TENM4: variants seen among roughly 807,000 people sequenced by gnomAD.
TENM4 encodes the protein teneurin-4.
A neutral mutation model predicts 243.3 loss-of-function variants in TENM4; 82 were observed. The ratio of observed to expected loss-of-function variants is 0.34; its 90% confidence interval spans 0.28 to 0.40. The LOEUF (loss-of-function observed/expected upper bound fraction) is 0.40, where lower values mean the gene tolerates loss of function less well. Among genes scored for constraint, TENM4 ranks in the 10% least tolerant of loss-of-function variants. The pLI, the probability that TENM4 is intolerant of heterozygous loss-of-function variation, is 1.00. For missense variants in TENM4, 3,138 were observed against 3,673.3 expected (o/e 0.85, Z 3.77); for synonymous variants, 1,412 against 1,456.3 (o/e 0.97, Z 0.69).
At chr11:79,289,058 A>G (rs901748810) in intron 2 of TENM4, among the ~76,000 whole-genome samples, 1 of 152,214 alleles carries the variant, frequency 6.6e-6, no homozygotes, top group African/African-American at 2.4e-5. Context: ...CAACTGTTTG[A>G]TCTTGAAAGA....
chr11:78,884,662 G>A (rs542026785), intron 9 of TENM4, among the ~76,000 whole-genome samples: 6 of 152,328 alleles, frequency 3.9e-5, no homozygotes, highest in South Asian at 4.1e-4. Flanking sequence ...AATGATACAC[G>A]TAATGGGCCT....
At chr11:78,937,152 C>G (rs1313461017) in intron 6 of TENM4, among the ~76,000 whole-genome samples, 3 of 152,048 alleles carry the variant, frequency 2.0e-5, no homozygotes, top group Non-Finnish European at 4.4e-5. Flanking sequence ...TGGGGAAGGG[C>G]AGTGATCCTG....
intron 23 of TENM4, among the ~76,000 whole-genome samples, chr11:78,725,441 G>A (rs139880877): frequency 3.3e-5 from 5 of 152,276 alleles, no homozygotes; most frequent in South Asian, 2.1e-4. Flanking sequence ...GGTGCCACTC[G>A]CATGCGTTAG....
At position 78,720,467 on chromosome 11, in the gene TENM4, C is replaced by T. The variant is rs1036992287; in HGVS notation, c.3801-77G>A. On this transcript the variant is annotated intron_variant, in intron 24 of 33. Coordinates refer to ENST00000278550, the MANE Select transcript of TENM4 (RefSeq NM_001098816.3). ...GCAGGGTTAGAAGCATTATTAGCAG[C>T]CTGAAAACTTGACAGCAATGGTACT... 4 of 1,523,108 alleles carry T rather than the reference C, an allele frequency of 2.6e-6. No homozygotes were observed. In the South Asian group the frequency reaches 4.5e-5, roughly 17 times the overall value. 94.3% of individuals were successfully genotyped at this position (1,523,108 alleles called of 1,614,324 possible).
At chr11:79,056,098 C>G (rs1404207787) in intron 6 of TENM4, among the ~76,000 whole-genome samples, 1 of 152,210 alleles carries the variant, frequency 6.6e-6, no homozygotes, top group Non-Finnish European at 1.5e-5. Context: ...AGAAACCACT[C>G]TTCTTGGACA....
intron 4 of TENM4, among the ~76,000 whole-genome samples, chr11:79,115,651 G>A (rs1861602882): frequency 6.6e-6 from 1 of 152,136 alleles, no homozygotes; most frequent in African/African-American, 2.4e-5. Flanking sequence ...TGAGGGTGAG[G>A]CTTCTTAATG....
intron 6 of TENM4, among the ~76,000 whole-genome samples, chr11:78,917,064 C>T (rs529337566): frequency 6.6e-6 from 1 of 152,316 alleles, no homozygotes; most frequent in East Asian, 1.9e-4. Context: ...GAACAGCAAC[C>T]ATATCAATAG....
intron 3 of TENM4, among the ~76,000 whole-genome samples, chr11:79,213,838 G>C (rs1863997129): frequency 6.6e-6 from 1 of 152,178 alleles, no homozygotes; most frequent in South Asian, 2.1e-4. Flanking sequence ...TTACTATGCT[G>C]AGTGAGCATT....
intron 29 of TENM4, among the ~76,000 whole-genome samples, chr11:78,684,399 T>C (rs1429083136): frequency 6.6e-6 from 1 of 152,256 alleles, no homozygotes; most frequent in Non-Finnish European, 1.5e-5. Context: ...CTGAGAACTG[T>C]ACTTGGCATA....
chr11:78,748,256 G>A (rs1233670897), intron 19 of TENM4, among the ~76,000 whole-genome samples: 1 of 152,180 alleles, frequency 6.6e-6, no homozygotes, highest in Non-Finnish European at 1.5e-5. Flanking sequence ...TGTTTTACAT[G>A]TGCTAACTTA....
chr11:78,890,592 G>T (rs1855640589), intron 8 of TENM4, among the ~76,000 whole-genome samples: 2 of 152,190 alleles, frequency 1.3e-5, no homozygotes, highest in Admixed American at 1.3e-4. Context: ...TCCCCTAGTG[G>T]CTGTCACACA....
chr11:79,064,768 T>G lies in TENM4; in HGVS notation c.463A>C (p.Thr155Pro). 1.3e-6 allele frequency: 2 copies of G among 1,551,456 alleles called. No homozygotes were observed. Among genetic ancestry groups the G allele is most frequent in the Non-Finnish European group, 1.7e-6 (2 of 1,146,946 alleles). ...TCAGTGTTTTCATGCTCGGTGTCGGTGAGTGTGAGATTGGAATTGGCCCGG... is the reference window on the plus strand; with the variant it reads ...TCAGTGTTTTCATGCTCGGTGTCGGGGAGTGTGAGATTGGAATTGGCCCGG... ...SSRANSNLTLTDTEHENTETD... is the reference protein window; with the variant it reads ...SSRANSNLTLPDTEHENTETD... The change falls in exon 6 of 34, where the codon ACC (threonine) becomes CCC (proline). Residue 155 changes from threonine (T) to proline (P), a missense_variant. Physicochemically the swap from Thr to Pro is conservative, Grantham distance 38. Coordinates refer to ENST00000278550, the MANE Select transcript of TENM4 (RefSeq NM_001098816.3).
At position 79,185,567 on chromosome 11, in the gene TENM4, A is replaced by G. The variant is rs539990934; in HGVS notation, c.-163+30241T>C. ...CCATTTGACTCTTGGTGCCAGGAGG[A>G]GACAATCAATGTGGAATTTTCCACA... is the stretch of plus-strand genomic sequence containing the variant. On this transcript the variant is annotated intron_variant, in intron 3 of 33. Transcript: ENST00000278550. Among the ~76,000 whole-genome samples, 91 of 152,254 alleles carry G rather than the reference A, an allele frequency of 6.0e-4. 1 individual carries two copies. The highest frequency in any genetic ancestry group is 2.1e-3 in the African/African-American group (88 of 41,548).
chr11:79,222,988 G>A (rs1230931172), intron 2 of TENM4, among the ~76,000 whole-genome samples: 1 of 152,090 alleles, frequency 6.6e-6, no homozygotes, highest in Non-Finnish European at 1.5e-5. Context: ...CCTGTCAGGG[G>A]GTTTGGGGAG....
At chr11:79,378,971 T>C (rs1382725509) in intron 1 of TENM4, among the ~76,000 whole-genome samples, 1 of 151,960 alleles carries the variant, frequency 6.6e-6, no homozygotes, top group Non-Finnish European at 1.5e-5. Context: ...TTATTCCTTC[T>C]TCTGCATTCT....
rs868814309 is a variant in TENM4 at position 79,138,235 on chromosome 11, G to A, written c.-66+10475C>T. On this transcript the variant is annotated intron_variant, in intron 4 of 33. Coordinates refer to ENST00000278550, the MANE Select transcript of TENM4 (RefSeq NM_001098816.3). ...TCAGTTTTGGAACTTGGACTGGCTC[G>A]CTTTGCTCTTCAGCCTGCAGATGGC... 6.0e-4 allele frequency among the ~76,000 whole-genome samples: 87 copies of A among 145,654 alleles called. No homozygotes were observed. The Middle Eastern group carries it at 0.01, about 18-fold the overall frequency.
chr11:79,322,391 G>C (rs1856905726), intron 1 of TENM4, among the ~76,000 whole-genome samples: 2 of 152,120 alleles, frequency 1.3e-5, no homozygotes, highest in Non-Finnish European at 2.9e-5. Flanking sequence ...CATTTTCACT[G>C]TGCAATGAGT....
intron 3 of TENM4, among the ~76,000 whole-genome samples, chr11:79,183,269 A>T (rs546646021): frequency 2.6e-5 from 4 of 152,312 alleles, no homozygotes; most frequent in African/African-American, 9.6e-5. Flanking sequence ...CATGGAGGAA[A>T]CTTAAATGCT....
intron 1 of TENM4, among the ~76,000 whole-genome samples, chr11:79,418,814 A>G (rs1312488953): frequency 6.6e-6 from 1 of 152,164 alleles, no homozygotes; most frequent in Admixed American, 6.6e-5. Flanking sequence ...ACAGGTTGTC[A>G]TCTCTTTGAA....
Sources: gnomAD v4.1 joint callset for allele counts (sites outside exome capture counted in the v4.1 genomes callset) on GRCh38, gnomAD v4.1.1 for gene constraint, MANE v1.5 for transcripts, NCBI Gene and HGNC (gene_info 2026-07-23, HGNC 2026-07-21) for gene names.